PRLR: variants seen among roughly 807,000 people sequenced by gnomAD.
PRLR encodes the protein hPRL receptor.
In PRLR, 13 loss-of-function variants were observed where a neutral mutation model predicts 40.2. The ratio of observed to expected loss-of-function variants is 0.32; its 90% confidence interval spans 0.21 to 0.51. The LOEUF (loss-of-function observed/expected upper bound fraction) is 0.51, where lower values mean the gene tolerates loss of function less well. Among genes scored for constraint, PRLR ranks in the 20% least tolerant of loss-of-function variants. PRLR has a pLI of 0.97. For missense variants in PRLR, 656 were observed against 747.3 expected (o/e 0.88, Z 1.42); for synonymous variants, 269 against 278.7 (o/e 0.97, Z 0.35).
chr5:35,224,146 G>C (rs1776492963), intron 1 of PRLR, among the ~76,000 whole-genome samples: 1 of 152,100 alleles, frequency 6.6e-6, no homozygotes, highest in Non-Finnish European at 1.5e-5. Context: ...CCCATCCCTA[G>C]AAGAAAACTG....
chr5:35,190,147 C>T (rs1007401290), intron 1 of PRLR, among the ~76,000 whole-genome samples: 4 of 152,158 alleles, frequency 2.6e-5, no homozygotes, highest in Non-Finnish European at 4.4e-5. Context: ...AGTTGTGGTA[C>T]TTTGTTATGG....
At position 35,062,909 on chromosome 5, in the gene PRLR, CA is replaced by C. The variant is rs575319085; in HGVS notation, c.*2179del. 1.7e-4 allele frequency: 26 copies of C among 152,310 alleles called. No homozygotes were observed. In the South Asian group the frequency reaches 4.3e-3, roughly 25 times the overall value. 9.4% of individuals were successfully genotyped at this position (152,310 alleles called of 1,614,324 possible). ...GCAGTGTTGTTCATTGCAAGTCAAACAGACTTGATCTGTCCTTTCCAAAAGA... is the reference window on the plus strand; with the variant it reads ...GCAGTGTTGTTCATTGCAAGTCAAACGACTTGATCTGTCCTTTCCAAAAGA... On this transcript the variant is annotated 3_prime_UTR_variant, in exon 10 of 10. Transcript: ENST00000618457.
At position 35,063,949 on chromosome 5, in the gene PRLR, A is replaced by G. The variant is rs142401874; in HGVS notation, c.*1140T>C. 2.0e-5 allele frequency: 3 copies of G among 152,260 alleles called. No individual in the cohort carries two copies. The East Asian group carries it at 5.8e-4, about 29-fold the overall frequency. The allele number at this position is 152,260 out of a possible 1,614,324, so 9.4% of individuals were successfully genotyped here. ...AGATCAAAAGAATCAGATAAACTAT[A>G]CTATATTGCGTTGAAAACTGAATTT... On this transcript the variant is annotated 3_prime_UTR_variant, in exon 10 of 10. Transcript: ENST00000618457.
rs1768736789 is a variant in PRLR at position 35,056,635 on chromosome 5, T to C, written c.*8454A>G. The C allele has an allele frequency of 6.6e-6, 1 of 152,226 alleles. No homozygotes were observed. The highest frequency in any genetic ancestry group is 6.5e-5 in the Admixed American group (1 of 15,280). The allele number at this position is 152,226 out of a possible 1,614,324, so 9.4% of individuals were successfully genotyped here. ...TTTTCTTTCCGGAAAGTATATTCAA[T>C]GCTTTTGAAAAATTAGCTACATATT... On this transcript the variant is annotated 3_prime_UTR_variant, in exon 10 of 10. Transcript: ENST00000618457.
At chr5:35,145,767 A>G (rs1014625852) in intron 1 of PRLR, among the ~76,000 whole-genome samples, 13 of 150,072 alleles carry the variant, frequency 8.7e-5, no homozygotes, top group Non-Finnish European at 2.9e-5. Flanking sequence ...TAAGAGCTTA[A>G]TATTTCAAAA....
At chr5:35,097,517 G>T (rs1771605927) in intron 2 of PRLR, among the ~76,000 whole-genome samples, 1 of 152,148 alleles carries the variant, frequency 6.6e-6, no homozygotes, top group African/African-American at 2.4e-5. Context: ...GATCTCTGGG[G>T]TCTGTGCTAA....
At chr5:35,151,188 G>A (rs1351337616) in intron 1 of PRLR, among the ~76,000 whole-genome samples, 2 of 152,154 alleles carry the variant, frequency 1.3e-5, no homozygotes, top group Non-Finnish European at 2.9e-5. Flanking sequence ...ATGTAAGCAG[G>A]AGTGATATAA....
At chr5:35,174,541 A>T (rs564606246) in intron 1 of PRLR, among the ~76,000 whole-genome samples, 2 of 152,250 alleles carry the variant, frequency 1.3e-5, no homozygotes, top group South Asian at 4.1e-4. Context: ...TTCAAACAAC[A>T]CTGCTGTGAA....
intron 1 of PRLR, among the ~76,000 whole-genome samples, chr5:35,216,080 T>A (rs1776281812): frequency 1.3e-5 from 2 of 151,448 alleles, no homozygotes; most frequent in South Asian, 2.1e-4. Flanking sequence ...GAAATAGAAG[T>A]AAGAACTCTG....
intron 1 of PRLR, among the ~76,000 whole-genome samples, chr5:35,156,689 G>A (rs1211174125): frequency 6.6e-6 from 1 of 152,104 alleles, no homozygotes; most frequent in East Asian, 1.9e-4. Context: ...TGACTTCCAT[G>A]GATTGCTCTC....
chr5:35,059,480 T>A lies in PRLR; in HGVS notation c.*5609A>T, dbSNP rs1263353435. ...CTCTTAGACATAAACTCATAAAATC[T>A]GTTCAGAACACTGAACAGATTTAGA... is the stretch of plus-strand genomic sequence containing the variant. On this transcript the variant is annotated 3_prime_UTR_variant, in exon 10 of 10. Transcript: ENST00000618457. 6 of 152,182 alleles carry A rather than the reference T, an allele frequency of 3.9e-5. No homozygotes were observed. The highest frequency in any genetic ancestry group is 8.8e-5 in the Non-Finnish European group (6 of 68,024). 9.4% of individuals were successfully genotyped at this position (152,182 alleles called of 1,614,324 possible).
At chr5:35,120,904 G>A (rs1773266958) in intron 1 of PRLR, among the ~76,000 whole-genome samples, 1 of 152,166 alleles carries the variant, frequency 6.6e-6, no homozygotes, top group Non-Finnish European at 1.5e-5. Context: ...CAAGTACTCT[G>A]TTACTGTAGT....
At chr5:35,194,391 C>T (rs1339598165) in intron 1 of PRLR, among the ~76,000 whole-genome samples, 1 of 152,166 alleles carries the variant, frequency 6.6e-6, no homozygotes, top group African/African-American at 2.4e-5. Flanking sequence ...CCAGGTTAGG[C>T]CTCTGTGCCT....
intron 1 of PRLR, among the ~76,000 whole-genome samples, chr5:35,214,508 C>T (rs1297708177): frequency 6.6e-6 from 1 of 152,214 alleles, no homozygotes. Context: ...TTGTCTTCCT[C>T]CACCCTCAAA....
At chr5:35,180,202 G>C (rs2111974259) in intron 1 of PRLR, among the ~76,000 whole-genome samples, 1 of 152,264 alleles carries the variant, frequency 6.6e-6, no homozygotes. Flanking sequence ...ATGAGCGATG[G>C]GGAGCAGCTG....
chr5:35,169,576 C>T (rs1298696699), intron 1 of PRLR, among the ~76,000 whole-genome samples: 2 of 152,156 alleles, frequency 1.3e-5, no homozygotes, highest in African/African-American at 2.4e-5. Context: ...ATGACTTCAA[C>T]AGTTTGTGTT....
intron 1 of PRLR, among the ~76,000 whole-genome samples, chr5:35,213,388 T>C (rs559990155): frequency 1.5e-4 from 23 of 152,342 alleles, no homozygotes; most frequent in African/African-American, 5.1e-4. Context: ...ACTTGGATTA[T>C]GCCTTTGATT....
At chr5:35,095,112 A>AG (rs1463120188) in intron 2 of PRLR, among the ~76,000 whole-genome samples, 1 of 152,202 alleles carries the variant, frequency 6.6e-6, no homozygotes, top group African/African-American at 2.4e-5. Flanking sequence ...TACAGGCATG[A>AG]GCCACTGCAC....
intron 2 of PRLR, among the ~76,000 whole-genome samples, chr5:35,107,477 T>C (rs2111608530): frequency 6.6e-6 from 1 of 151,590 alleles, no homozygotes; most frequent in South Asian, 2.1e-4. Flanking sequence ...GATAGACCAC[T>C]AGCAAGACTA....
Sources: gnomAD v4.1 joint callset for allele counts (sites outside exome capture counted in the v4.1 genomes callset) on GRCh38, gnomAD v4.1.1 for gene constraint, MANE v1.5 for transcripts, NCBI Gene and HGNC (gene_info 2026-07-23, HGNC 2026-07-21) for gene names.